Variants in IL6ST observed in about 807,000 individuals in gnomAD.
The protein encoded by IL6ST is interleukin 6 cytokine family signal transducer, also known as interleukin-6 receptor subunit beta.
In IL6ST, 24 loss-of-function variants were observed where a neutral mutation model predicts 91.3. The observed-to-expected ratio is 0.26, with a 90% confidence interval of 0.19 to 0.37. IL6ST has a LOEUF of 0.37. Among genes scored for constraint, IL6ST ranks in the 10% least tolerant of loss-of-function variants. The pLI is 1.00. For missense variants in IL6ST, 914 were observed against 1,078.5 expected (o/e 0.85, Z 2.14); for synonymous variants, 351 against 373.6 (o/e 0.94, Z 0.70).
chr5:55,961,458 C>T (rs1231292185), intron 7 of IL6ST, among the ~76,000 whole-genome samples: 1 of 151,966 alleles, frequency 6.6e-6, no homozygotes, highest in Non-Finnish European at 1.5e-5. Flanking sequence ...GGTAGTGACC[C>T]TAAGTTGAAA....
At chr5:55,973,535 C>T (rs188512845) in intron 3 of IL6ST, among the ~76,000 whole-genome samples, 516 of 152,302 alleles carry the variant, frequency 3.4e-3, no homozygotes, top group African/African-American at 0.012. Flanking sequence ...TGGACAATGG[C>T]CCCAGCAAAG....
At chr5:55,965,814 C>CAAAA (rs34297008) in intron 5 of IL6ST, among the ~76,000 whole-genome samples, 3 of 58,546 alleles carry the variant, frequency 5.1e-5, no homozygotes, top group Admixed American at 2.0e-4. Flanking sequence ...AACTCTGTCT[C>CAAAA]AAAAAAAAAA....
chr5:55,980,352 C>A (rs1238487861), intron 2 of IL6ST, among the ~76,000 whole-genome samples: 1 of 152,158 alleles, frequency 6.6e-6, no homozygotes, highest in Non-Finnish European at 1.5e-5. Flanking sequence ...GAGTTCCAGA[C>A]CAGCCTGGCC....
chr5:55,941,153 C>T lies in IL6ST; in HGVS notation c.2686G>A (p.Ala896Thr). The change falls in exon 17 of 17, where the codon GCG becomes ACG. Residue 896 changes from alanine (A) to threonine (T), a missense_variant. Transcript: ENST00000381298. ...ERFETVGMEAATDEGMPKSYL... is the reference protein window; with the variant it reads ...ERFETVGMEATTDEGMPKSYL... ...CTTTTAGGCATGCCTTCATCAGTCG[C>T]AGCCTCCATGCCAACTGTTTCAAAT... 1 of 1,614,062 alleles carries T rather than the reference C, an allele frequency of 6.2e-7. No individual in the cohort carries two copies. The highest frequency in any genetic ancestry group is 8.5e-7 in the Non-Finnish European group (1 of 1,179,900).
chr5:55,955,261 C>T (rs1171349352), intron 10 of IL6ST, among the ~76,000 whole-genome samples: 2 of 152,144 alleles, frequency 1.3e-5, no homozygotes, highest in Non-Finnish European at 2.9e-5. Context: ...AGTTCGAAAC[C>T]AGCCTGGCCA....
At chr5:55,942,616 A>G in intron 16 of IL6ST, 54 bp downstream of exon 16, 3 of 899,466 alleles carry the variant, frequency 3.3e-6, no homozygotes, top group Non-Finnish European at 5.5e-6. Flanking sequence ...GATACTCAAT[A>G]TACCTACTAA....
At chr5:55,961,289 G>T (rs1255552927) in intron 7 of IL6ST, among the ~76,000 whole-genome samples, 1 of 152,116 alleles carries the variant, frequency 6.6e-6, no homozygotes, top group Non-Finnish European at 1.5e-5. Flanking sequence ...AATTCAAGGA[G>T]GGCTTCATAA....
At chr5:55,964,428 A>G in intron 5 of IL6ST, 116 bp from the exon 6 acceptor site, 2 of 618,596 alleles carry the variant, frequency 3.2e-6, no homozygotes, top group Non-Finnish European at 5.6e-6. Flanking sequence ...AAACTTTGCA[A>G]TATAACTGCT....
chr5:55,990,281 TAAAA>T (rs34154995), intron 1 of IL6ST, among the ~76,000 whole-genome samples: 1 of 147,236 alleles, frequency 6.8e-6, no homozygotes, highest in African/African-American at 2.5e-5. Context: ...CCGCAAAGTT[TAAAA>T]AAAAAAGAAG....
At position 55,969,872 on chromosome 5, in the gene IL6ST, G is replaced by A; in HGVS notation, c.65-17C>T. 6.5e-7 allele frequency: 1 copy of A among 1,533,388 alleles called. No homozygotes were observed. Among genetic ancestry groups the A allele is most frequent in the South Asian group, 1.2e-5 (1 of 84,216 alleles). The allele number at this position is 1,533,388 out of a possible 1,614,324, so 95.0% of individuals were successfully genotyped here. A position where few individuals can be genotyped will look rare whatever the true frequency, so the allele number is the denominator to read the frequency against. On this transcript the variant is annotated splice_polypyrimidine_tract_variant and intron_variant, in intron 3 of 16. Coordinates refer to ENST00000381298, the MANE Select transcript of IL6ST (RefSeq NM_002184.4). ...GAAGTTCACCTAAAAAGGAACAATA[G>A]AAAATATATAAATGGACTGAATTTT...
rs1750883241 is a variant in IL6ST at position 55,941,162 on chromosome 5, T to C, written c.2677A>G (p.Met893Val). Residue 893 changes from methionine to valine, a missense_variant, in exon 17 of 17, where the codon ATG (methionine) becomes GTG (valine). Coordinates refer to ENST00000381298, the MANE Select transcript of IL6ST (RefSeq NM_002184.4). ...GQVERFETVGMEAATDEGMPK... is the reference protein window; with the variant it reads ...GQVERFETVGVEAATDEGMPK... ...ATGCCTTCATCAGTCGCAGCCTCCA[T>C]GCCAACTGTTTCAAATCTTTCTACT... The C allele has an allele frequency of 6.2e-7, 1 of 1,614,014 alleles. No individual in the cohort carries two copies. The highest frequency in any genetic ancestry group is 1.1e-5 in the South Asian group (1 of 91,084).
At chr5:55,989,512 C>T (rs897304426) in intron 1 of IL6ST, among the ~76,000 whole-genome samples, 94 of 152,228 alleles carry the variant, frequency 6.2e-4, no homozygotes, top group African/African-American at 2.2e-3. Flanking sequence ...ATAGAATATG[C>T]TTATGACCTT....
In IL6ST at chr5:55,940,290, T is replaced by C. The variant is rs768186661; in HGVS notation, c.*792A>G. 4.8e-4 allele frequency: 103 copies of C among 214,072 alleles called. 1 individual carries two copies. The highest frequency in any genetic ancestry group is 2.5e-3 in the Admixed American group (42 of 17,140). The allele number at this position is 214,072 out of a possible 1,614,324, so 13.3% of individuals were successfully genotyped here. A position where few individuals can be genotyped will look rare whatever the true frequency, so the allele number is the denominator to read the frequency against. On this transcript the variant is annotated 3_prime_UTR_variant, in exon 17 of 17. Transcript: ENST00000381298. Reference sequence around the variant, plus strand: ...CCTTTAAAAATGGCAATTTTTTAGATGCTTGAGATAGTTTGGGGGATCCCT... The same window carrying C: ...CCTTTAAAAATGGCAATTTTTTAGACGCTTGAGATAGTTTGGGGGATCCCT...
chr5:55,984,689 C>G (rs1180607198), intron 1 of IL6ST, among the ~76,000 whole-genome samples: 2 of 152,120 alleles, frequency 1.3e-5, no homozygotes, highest in East Asian at 3.8e-4. Context: ...AACTGAAATG[C>G]TCTAATTCCA....
intron 2 of IL6ST, among the ~76,000 whole-genome samples, chr5:55,977,336 T>C (rs1753366549): frequency 6.6e-6 from 1 of 151,922 alleles, no homozygotes; most frequent in African/African-American, 2.4e-5. Flanking sequence ...CGAGCAATCC[T>C]CCTGCCTCAG....
chr5:55,957,265 AC>A lies in IL6ST; in HGVS notation c.999del (p.Trp333CysfsTer4). The A allele has an allele frequency of 6.4e-7, 1 of 1,564,694 alleles. No homozygotes were observed. Among genetic ancestry groups the A allele is most frequent in the Admixed American group, 1.9e-5 (1 of 53,688 alleles). On this transcript the variant is annotated frameshift_variant, in exon 9 of 17. Transcript: ENST00000381298. LOFTEE classifies it high-confidence loss of function. ...EDRPSKAPSF[W>X]YKIDPSHTQG... ...TGAGTATGGGATGGATCTATTTTAT[AC>A]CAGAAACTTGGTGCTTTAGATGGTC...
chr5:55,959,662 TTATCAAGTGC>T (rs1414834491), intron 8 of IL6ST: 1 of 1,296,014 alleles, frequency 7.7e-7, no homozygotes, highest in South Asian at 1.2e-5. Flanking sequence ...TCCCAGGGGC[TTATCAAGTGC>T]TATTAGAAAA....
intron 15 of IL6ST, among the ~76,000 whole-genome samples, chr5:55,945,889 G>A (rs531808052): frequency 4.6e-5 from 7 of 151,772 alleles, no homozygotes; most frequent in Non-Finnish European, 1.0e-4. Flanking sequence ...GACCTTGTGA[G>A]CCGCCCGCCT....
At chr5:55,978,762 T>C (rs1288290108) in intron 2 of IL6ST, among the ~76,000 whole-genome samples, 3 of 152,202 alleles carry the variant, frequency 2.0e-5, no homozygotes, top group Non-Finnish European at 1.5e-5. Context: ...ATCAGGGTTT[T>C]TGCTGATAAG....
Sources: allele counts gnomAD v4.1 joint callset (sites outside exome capture counted in the v4.1 genomes callset), GRCh38; gene constraint gnomAD v4.1.1; transcripts MANE v1.5; gene names NCBI Gene and HGNC (gene_info 2026-07-23, HGNC 2026-07-21).